RYR3: variants seen among roughly 807,000 people sequenced by gnomAD.
The protein encoded by RYR3 is ryanodine receptor 3, also known as brain ryanodine receptor-calcium release channel.
RYR3 carries 207 observed loss-of-function variants against 584.3 expected under a neutral mutation model. That is an observed-to-expected ratio of 0.35 (90% CI 0.32 to 0.40). The LOEUF (loss-of-function observed/expected upper bound fraction) is 0.40, where lower values mean the gene tolerates loss of function less well. RYR3 is among the 10% of genes least tolerant of loss of function. The pLI is 1.00. For missense variants in RYR3, 5,616 were observed against 6,089.2 expected (o/e 0.92, Z 2.59); for synonymous variants, 2,416 against 2,248.5 (o/e 1.07, Z -2.11).
intron 1 of RYR3, among the ~76,000 whole-genome samples, chr15:33,334,572 T>C (rs569337143): frequency 6.6e-6 from 1 of 152,136 alleles, no homozygotes; most frequent in East Asian, 1.9e-4. Context: ...CCAAAAACTA[T>C]AAAAACCCAG....
At chr15:33,482,815 T>G (rs567815163) in intron 2 of RYR3, among the ~76,000 whole-genome samples, 2 of 152,308 alleles carry the variant, frequency 1.3e-5, no homozygotes, top group South Asian at 4.1e-4. Flanking sequence ...ATCTTTTGGT[T>G]GTTGTTTTTC....
chr15:33,674,680 G>A lies in RYR3; in HGVS notation c.5860+4124G>A, dbSNP rs566510096. ...AAATAATCATGAGGTTGGATGTATT[G>A]TAATAAAAGTACAGACAAAATACAG... On this transcript the variant is annotated intron_variant, in intron 38 of 103. Transcript: ENST00000634891. Among the ~76,000 whole-genome samples, 5 of 151,854 alleles carry A rather than the reference G, an allele frequency of 3.3e-5. No individual in the cohort carries two copies. In the East Asian group the frequency reaches 7.8e-4, roughly 24 times the overall value.
At chr15:33,557,826 A>T (rs1487851759) in intron 10 of RYR3, among the ~76,000 whole-genome samples, 1 of 152,236 alleles carries the variant, frequency 6.6e-6, no homozygotes, top group Non-Finnish European at 1.5e-5. Flanking sequence ...TAATATGACA[A>T]TTATGACGTG....
chr15:33,464,522 A>G (rs1411491653), intron 1 of RYR3, among the ~76,000 whole-genome samples: 1 of 146,880 alleles, frequency 6.8e-6, no homozygotes, highest in East Asian at 2.0e-4. Context: ...ATACACATAT[A>G]TGTACATTTA....
At chr15:33,730,875 C>G (rs1385482620) in intron 47 of RYR3, among the ~76,000 whole-genome samples, 1 of 152,212 alleles carries the variant, frequency 6.6e-6, no homozygotes, top group African/African-American at 2.4e-5. Context: ...GAGTCAGGTT[C>G]CCTTTAGTGG....
intron 12 of RYR3, among the ~76,000 whole-genome samples, chr15:33,573,516 C>T (rs1370541764): frequency 2.0e-5 from 3 of 152,182 alleles, no homozygotes; most frequent in East Asian, 1.9e-4. Flanking sequence ...GTAGAATGAA[C>T]AGTGTGATCG....
At chr15:33,407,505 A>T (rs2043106743) in intron 1 of RYR3, among the ~76,000 whole-genome samples, 1 of 152,130 alleles carries the variant, frequency 6.6e-6, no homozygotes, top group Admixed American at 6.5e-5. Flanking sequence ...AGATGAGGCC[A>T]TGGGAGCTGC....
In RYR3 at chr15:33,865,849, T is replaced by C. The variant is rs984402051; in HGVS notation, c.*623T>C. On this transcript the variant is annotated 3_prime_UTR_variant, in exon 104 of 104. Coordinates refer to ENST00000634891, the MANE Select transcript of RYR3 (RefSeq NM_001036.6). ...CCAGAAGGACAGTTCCATTCATTAG[T>C]TGTGATCTTCCGTCTTACTTTATGA... 6.5e-6 allele frequency: 1 copy of C among 152,812 alleles called. No individual in the cohort carries two copies. The allele number at this position is 152,812 out of a possible 1,614,324, so 9.5% of individuals were successfully genotyped here. A position where few individuals can be genotyped will look rare whatever the true frequency, so the allele number is the denominator to read the frequency against.
intron 34 of RYR3, among the ~76,000 whole-genome samples, chr15:33,661,126 C>A (rs1426224103): frequency 1.3e-5 from 2 of 152,084 alleles, no homozygotes; most frequent in African/African-American, 4.8e-5. Context: ...GCAGGGCAGG[C>A]CATGGCAGGA....
At chr15:33,647,235 C>CCCA (rs2062152374) in intron 29 of RYR3, among the ~76,000 whole-genome samples, 189 bp from the exon 30 acceptor site, 1 of 152,246 alleles carries the variant, frequency 6.6e-6, no homozygotes, top group Non-Finnish European at 1.5e-5. Flanking sequence ...AGTTGGGAGT[C>CCCA]ACATCCCTGC....
At chr15:33,699,510 C>T (rs894265306) in intron 40 of RYR3, among the ~76,000 whole-genome samples, 194 bp from the exon 41 acceptor site, 1 of 152,088 alleles carries the variant, frequency 6.6e-6, no homozygotes, top group African/African-American at 2.4e-5. Flanking sequence ...TCTTGTTTGA[C>T]ATCTATTTCT....
chr15:33,514,998 T>C (rs530404733), intron 3 of RYR3, among the ~76,000 whole-genome samples: 1 of 151,848 alleles, frequency 6.6e-6, no homozygotes, highest in East Asian at 1.9e-4. Flanking sequence ...AGCGAGACTC[T>C]GTCTCAAAAA....
In RYR3 at chr15:33,859,594, A is replaced by C; in HGVS notation, c.14162A>C (p.Tyr4721Ser). 1 of 1,613,996 alleles carries C rather than the reference A, an allele frequency of 6.2e-7. No homozygotes were observed. The highest frequency in any genetic ancestry group is 8.5e-7 in the Non-Finnish European group (1 of 1,179,880). Residue 4721 changes from tyrosine (Y) to serine (S), a missense_variant, in exon 100 of 104, where the codon TAC (tyrosine) becomes TCC (serine). Physicochemically the swap from Tyr to Ser is moderately radical, Grantham distance 144. Coordinates refer to ENST00000634891, the MANE Select transcript of RYR3 (RefSeq NM_001036.6). ...DMMTCYLFHM[Y>S]VGVRAGGGIG... is the part of the protein sequence containing the mutation. Reference sequence around the variant, plus strand: ...CTCTAGTGTTACCTTTTCCACATGTACGTGGGAGTGAGAGCAGGAGGTGGC... The same window carrying C: ...CTCTAGTGTTACCTTTTCCACATGTCCGTGGGAGTGAGAGCAGGAGGTGGC...
At chr15:33,735,136 T>C (rs1426621036) in intron 48 of RYR3, among the ~76,000 whole-genome samples, 3 of 152,222 alleles carry the variant, frequency 2.0e-5, no homozygotes, top group African/African-American at 7.2e-5. Flanking sequence ...TTTATTTTAA[T>C]AAGTCAGGAA....
intron 65 of RYR3, among the ~76,000 whole-genome samples, chr15:33,781,804 C>T (rs1244011899): frequency 6.6e-6 from 1 of 150,790 alleles, no homozygotes; most frequent in Non-Finnish European, 1.5e-5. Context: ...CTTTCCTCAA[C>T]CGCTTCAGCC....
intron 58 of RYR3, among the ~76,000 whole-genome samples, 178 bp from the exon 59 acceptor site, chr15:33,756,128 A>G (rs1285375783): frequency 6.6e-6 from 1 of 152,224 alleles, no homozygotes; most frequent in East Asian, 1.9e-4. Flanking sequence ...AACAGCTTAA[A>G]GAATTGACAC....
At chr15:33,483,184 T>TC (rs1327922638) in intron 2 of RYR3, among the ~76,000 whole-genome samples, 1 of 152,066 alleles carries the variant, frequency 6.6e-6, no homozygotes, top group Non-Finnish European at 1.5e-5. Context: ...TTTCTCCCCT[T>TC]CCATTATCTC....
intron 3 of RYR3, among the ~76,000 whole-genome samples, chr15:33,514,483 T>C (rs2053325334): frequency 6.6e-6 from 1 of 152,094 alleles, no homozygotes. Context: ...CGCCCTTCTC[T>C]CTGCTGACTC....
Position 33,624,008 on chromosome 15 carries a change from C to T in RYR3, c.2559C>T (p.Pro853=), listed in dbSNP as rs189828361. The change falls in exon 20 of 104, where the codon CCC becomes CCT. Residue 853 remains proline, a synonymous_variant. Transcript: ENST00000634891. ...CCCAAGCCTCTTTCATCCCATGCCC[C>T]GTAGACACCAGTCAGGTAGGTTCAA... ...FLSQASFIPC[P]VDTSQVILPP... The T allele has an allele frequency of 2.4e-5, 39 of 1,613,578 alleles. No individual in the cohort carries two copies. Among genetic ancestry groups the T allele is most frequent in the South Asian group, 9.9e-5 (9 of 91,062 alleles).
Sources: allele counts gnomAD v4.1 joint callset (sites outside exome capture counted in the v4.1 genomes callset), GRCh38; gene constraint gnomAD v4.1.1; transcripts MANE v1.5; gene names NCBI Gene and HGNC (gene_info 2026-07-23, HGNC 2026-07-21).